The following SLC35B3 variants were observed in gnomAD, a reference collection of about 807,000 sequenced individuals.
SLC35B3 encodes solute carrier family 35 member B3.
In SLC35B3, 35 loss-of-function variants were observed where a neutral mutation model predicts 44.1. The ratio of observed to expected loss-of-function variants is 0.79; its 90% confidence interval spans 0.61 to 1.05. The LOEUF (loss-of-function observed/expected upper bound fraction) is 1.05. SLC35B3 is among the 50% of genes least tolerant of loss of function. SLC35B3 has a pLI of 0.00. For synonymous variants in SLC35B3, 146 were observed against 167.3 expected (o/e 0.87, Z 0.98); for missense variants, 414 against 476.4 (o/e 0.87, Z 1.22).
At chr6:8,431,389 C>A (rs879754627) in intron 2 of SLC35B3, among the ~76,000 whole-genome samples, 1 of 151,934 alleles carries the variant, frequency 6.6e-6, no homozygotes, top group Non-Finnish European at 1.5e-5. Flanking sequence ...CTTAAAATGG[C>A]CAAAATTAGA....
intron 5 of SLC35B3, 60 bp downstream of exon 4, chr6:8,422,410 C>G: frequency 8.0e-7 from 1 of 1,246,646 alleles, no homozygotes; most frequent in East Asian, 2.4e-5. Context: ...TTTCCTAATG[C>G]TAGATGCCAT....
At position 8,430,144 on chromosome 6, in the gene SLC35B3, T is replaced by G; in HGVS notation, c.17A>C (p.Gln6Pro). The change falls in exon 3 of 11, where the codon CAA (glutamine) becomes CCA (proline). Residue 6 changes from glutamine (Q) to proline (P), a missense_variant. By Grantham distance (76) the Gln-to-Pro change is moderately conservative (BLOSUM62 -1). Transcript: ENST00000644923. ...TGTTATGTTCTGTATGTCTTTTGCT[T>G]GCTGTGTCAAGTCCTAGAGAAGGAA... 1 of 1,583,310 alleles carries G rather than the reference T, an allele frequency of 6.3e-7. No homozygotes were observed. The highest frequency in any genetic ancestry group is 2.2e-5 in the East Asian group (1 of 44,544).
In SLC35B3 at chr6:8,430,130, G is replaced by A; in HGVS notation, c.31C>T (p.Gln11Ter). The change falls in exon 3 of 11, where the codon CAG becomes TAG. Residue 11 changes from glutamine (Q) to a stop codon, truncating the protein, a stop_gained. Coordinates refer to ENST00000644923, the MANE Select transcript of SLC35B3 (RefSeq NM_001370476.2). LOFTEE classifies it high-confidence loss of function. ...TTGGTTTCCTGGACTGTTATGTTCT[G>A]TATGTCTTTTGCTTGCTGTGTCAAG... 1 of 1,590,340 alleles carries A rather than the reference G, an allele frequency of 6.3e-7. No homozygotes were observed. Among genetic ancestry groups the A allele is most frequent in the Non-Finnish European group, 8.5e-7 (1 of 1,169,808 alleles).
intron 4 of SLC35B3, 163 bp downstream of exon 3, chr6:8,427,772 TCA>T: frequency 2.0e-6 from 1 of 496,778 alleles, no homozygotes; most frequent in African/African-American, 2.0e-5. Flanking sequence ...TTTATTTTTT[TCA>T]GTGTATAAAT....
At position 8,435,364 on chromosome 6, in the gene SLC35B3, G is replaced by A. The variant is rs1290666205; in HGVS notation, c.-65C>T. On this transcript the variant is annotated 5_prime_UTR_variant, in exon 1 of 11. Transcript: ENST00000644923. The surrounding 1 kb of genome is among the most constrained non-coding windows in gnomAD (Gnocchi z 5.5). Reference sequence around the variant, plus strand: ...GTACCCCAAGGCCGGTATGTCACCCGGAAGGGTGACGGCAGCCTGCGTGGC... The same window carrying A: ...GTACCCCAAGGCCGGTATGTCACCCAGAAGGGTGACGGCAGCCTGCGTGGC... The A allele has an allele frequency of 3.1e-6, 4 of 1,288,982 alleles. No individual in the cohort carries two copies. Among genetic ancestry groups the A allele is most frequent in the Non-Finnish European group, 4.0e-6 (4 of 988,762 alleles). 79.8% of individuals were successfully genotyped at this position (1,288,982 alleles called of 1,614,324 possible).
chr6:8,423,268 A>T (rs970381736), intron 4 of SLC35B3, among the ~76,000 whole-genome samples: 1 of 152,236 alleles, frequency 6.6e-6, no homozygotes, highest in South Asian at 2.1e-4. Context: ...AAATACATCT[A>T]TCCATTCTGC....
chr6:8,413,332 A>G lies in SLC35B3; in HGVS notation c.*217T>C, dbSNP rs1762126049. The G allele has an allele frequency of 4.6e-6, 2 of 436,288 alleles. No individual in the cohort carries two copies. The highest frequency in any genetic ancestry group is 4.2e-5 in the Admixed American group (1 of 23,570). The allele number at this position is 436,288 out of a possible 1,614,324, so 27.0% of individuals were successfully genotyped here. ...GTCCTTCATATTGACATTTTATTGTAAAGTCTGCTAGACGTGGCTCTCTTG... is the reference window on the plus strand; with the variant it reads ...GTCCTTCATATTGACATTTTATTGTGAAGTCTGCTAGACGTGGCTCTCTTG... On this transcript the variant is annotated 3_prime_UTR_variant, in exon 11 of 11. Transcript: ENST00000644923.
rs200246553 is a variant in SLC35B3, at chr6:8,434,052, T to TAA, written c.3+331_3+332dup. Among the ~76,000 whole-genome samples the TAA allele has an allele frequency of 3.3e-5, 5 of 150,200 alleles. No individual in the cohort carries two copies. Among genetic ancestry groups the TAA allele is most frequent in the Non-Finnish European group, 5.9e-5 (4 of 67,674 alleles). On this transcript the variant is annotated intron_variant, in intron 2 of 10. Transcript: ENST00000644923. This position sits in a 1 kb window ranked among gnomAD's most constrained non-coding sequence, Gnocchi z 6.3. ...AACTAAAATATATATATATATATTT[T>TAA]AAAAATCACAGGTGTGTATAATTGC...
At position 8,435,394 on chromosome 6, in the gene SLC35B3, G is replaced by C. The variant is rs747989688; in HGVS notation, c.-95C>G. ...GGTGACGGCAGCCTGCGTGGCGTCT[G>C]AGCTAGACGGAGCATCTCCCCCTCC... is the stretch of plus-strand genomic sequence containing the variant. On this transcript the variant is annotated 5_prime_UTR_variant, in exon 1 of 11. Coordinates refer to ENST00000644923, the MANE Select transcript of SLC35B3 (RefSeq NM_001370476.2). This position sits in a 1 kb window ranked among gnomAD's most constrained non-coding sequence, Gnocchi z 5.5. The C allele has an allele frequency of 7.8e-7, 1 of 1,288,362 alleles. No individual in the cohort carries two copies. Among genetic ancestry groups the C allele is most frequent in the Admixed American group, 2.3e-5 (1 of 43,562 alleles). The allele number at this position is 1,288,362 out of a possible 1,614,324, so 79.8% of individuals were successfully genotyped here.
intron 4 of SLC35B3, among the ~76,000 whole-genome samples, chr6:8,427,059 A>C (rs947980484): frequency 2.7e-5 from 4 of 149,798 alleles, no homozygotes; most frequent in African/African-American, 4.8e-5. Context: ...AGAAATTTCT[A>C]AGCAGCAAAG....
At chr6:8,429,642 T>A (rs757386220) in intron 3 of SLC35B3, 1 of 343,810 alleles carries the variant, frequency 2.9e-6, no homozygotes, top group African/African-American at 2.1e-5. Flanking sequence ...ATAATGAAAA[T>A]TTTTCAAGAT....
chr6:8,430,303 C>T, intron 2 of SLC35B3, 146 bp from the exon 2 acceptor site: 2 of 706,424 alleles, frequency 2.8e-6, no homozygotes, highest in Non-Finnish European at 4.3e-6. Context: ...GGTTCCAAAT[C>T]ACCAAAAACA....
Position 8,422,500 on chromosome 6 carries a change from G to C in SLC35B3, c.544C>G (p.Pro182Ala), listed in dbSNP as rs996300470. 6.8e-6 allele frequency: 11 copies of C among 1,613,348 alleles called. No homozygotes were observed. Among genetic ancestry groups the C allele is most frequent in the Admixed American group, 1.7e-5 (1 of 59,940 alleles). Residue 182 changes from proline (P) to alanine (A), a missense_variant, in exon 5 of 11, where the codon CCT (proline) becomes GCT (alanine). Coordinates refer to ENST00000644923, the MANE Select transcript of SLC35B3 (RefSeq NM_001370476.2). The stretch of plus-strand genomic sequence containing the variant: ...ATAAAAACTCCTCCTAGCATAACAG[G>C]AATCAATTTGCAGCACTTGAAGATG...
At chr6:8,423,081 G>A (rs1763076851) in intron 4 of SLC35B3, among the ~76,000 whole-genome samples, 2 of 152,204 alleles carry the variant, frequency 1.3e-5, no homozygotes, top group South Asian at 2.1e-4. Flanking sequence ...TCTGCCTCAC[G>A]GGTTCAAGAA....
intron 4 of SLC35B3, among the ~76,000 whole-genome samples, chr6:8,426,329 T>C (rs1763406911): frequency 6.6e-6 from 1 of 152,228 alleles, no homozygotes. Flanking sequence ...GGTAATTTTA[T>C]AGAACATTTT....
In SLC35B3 at chr6:8,411,513, TTTTCTTCTTAAAAG is replaced by T. The variant is rs1252593750; in HGVS notation, c.*2022_*2035del. Among the ~76,000 whole-genome samples, 2 of 152,222 alleles carry T rather than the reference TTTTCTTCTTAAAAG, an allele frequency of 1.3e-5. No homozygotes were observed. The highest frequency in any genetic ancestry group is 2.9e-5 in the Non-Finnish European group (2 of 68,042). On this transcript the variant is annotated 3_prime_UTR_variant, in exon 11 of 11. Transcript: ENST00000644923. Reference sequence around the variant, plus strand: ...AAGTTTTTCTTTCAAGTACAAATCCTTTTCTTCTTAAAAGTTTAAGGCAGCATAATGAAGTATGC... The same window carrying T: ...AAGTTTTTCTTTCAAGTACAAATCCTTTTAAGGCAGCATAATGAAGTATGC...
rs532068067 is a variant in SLC35B3 at position 8,411,563 on chromosome 6, C to T, written c.*1986G>A. ...CATAATGAAGTATGCATTAAGATCC[C>T]GTCTATCTTAAGCCAGGAAAAATTT... On this transcript the variant is annotated 3_prime_UTR_variant, in exon 11 of 11. Coordinates refer to ENST00000644923, the MANE Select transcript of SLC35B3 (RefSeq NM_001370476.2). 3.9e-5 allele frequency among the ~76,000 whole-genome samples: 6 copies of T among 152,182 alleles called. 1 individual carries two copies. The South Asian group carries it at 8.3e-4, about 21-fold the overall frequency.
chr6:8,422,213 C>T (rs898708697), intron 5 of SLC35B3, among the ~76,000 whole-genome samples: 2 of 152,130 alleles, frequency 1.3e-5, no homozygotes, highest in African/African-American at 4.8e-5. Context: ...CCATATTGGC[C>T]AGGCTGGTCT....
At chr6:8,428,269 G>A (rs1763629639) in intron 3 of SLC35B3, among the ~76,000 whole-genome samples, 1 of 152,072 alleles carries the variant, frequency 6.6e-6, no homozygotes, top group Non-Finnish European at 1.5e-5. Flanking sequence ...TCTTCTTTTA[G>A]AGGAAATGGT....
Sources: gnomAD v4.1 joint callset for allele counts (sites outside exome capture counted in the v4.1 genomes callset) on GRCh38, gnomAD v4.1.1 for gene constraint, Gnocchi (gnomAD v3.1) non-coding constraint, MANE v1.5 for transcripts, NCBI Gene and HGNC (gene_info 2026-07-23, HGNC 2026-07-21) for gene names.